The following TNKS variants were observed in gnomAD, a reference collection of about 807,000 sequenced individuals.
TNKS encodes tankyrase, also known as poly [ADP-ribose] polymerase tankyrase-1.
A neutral mutation model predicts 135.8 loss-of-function variants in TNKS; 72 were observed. The ratio of observed to expected loss-of-function variants is 0.53; its 90% confidence interval spans 0.44 to 0.64. The LOEUF (loss-of-function observed/expected upper bound fraction) is 0.64, where lower values mean the gene tolerates loss of function less well. Ranked by LOEUF, TNKS falls within the 30% of genes least tolerant of loss-of-function variation. TNKS has a pLI of 0.00. For missense variants in TNKS, 1,769 were observed against 1,674.0 expected (o/e 1.06, Z -0.99); for synonymous variants, 849 against 649.3 (o/e 1.31, Z -4.68).
At position 9,585,258 on chromosome 8, in the gene TNKS, T is replaced by C. The variant is rs185247296; in HGVS notation, c.898+4875T>C. Among the ~76,000 whole-genome samples the C allele has an allele frequency of 5.3e-4, 81 of 151,858 alleles. 2 individuals carry two copies. The East Asian group carries it at 0.015, about 28-fold the overall frequency. ...GTGTGAGATGTACAGAGACAAATGTTGAAACATGGAAATCATGACGAAAAA... is the reference window on the plus strand; with the variant it reads ...GTGTGAGATGTACAGAGACAAATGTCGAAACATGGAAATCATGACGAAAAA... On this transcript the variant is annotated intron_variant, in intron 2 of 26. Coordinates refer to ENST00000310430, the MANE Select transcript of TNKS (RefSeq NM_003747.3).
chr8:9,683,320 A>G (rs539551355), intron 5 of TNKS, among the ~76,000 whole-genome samples: 16 of 152,172 alleles, frequency 1.1e-4, no homozygotes, highest in Non-Finnish European at 2.1e-4. Context: ...CCTAGTAGAT[A>G]TGTAGTCCTT....
intron 11 of TNKS, among the ~76,000 whole-genome samples, chr8:9,717,935 A>G (rs71516533): frequency 0.11 from 16,034 of 152,184 alleles, 1,273 homozygotes; most frequent in Admixed American, 0.24. Context: ...ATATATAGAT[A>G]TATACAGGCA....
intron 11 of TNKS, among the ~76,000 whole-genome samples, chr8:9,713,162 T>G (rs1209624763): frequency 6.6e-6 from 1 of 152,214 alleles, no homozygotes; most frequent in African/African-American, 2.4e-5. Context: ...AACAGAGTTC[T>G]ACAGATGTAT....
At chr8:9,652,282 G>A (rs778717337) in intron 3 of TNKS, among the ~76,000 whole-genome samples, 6 of 152,132 alleles carry the variant, frequency 3.9e-5, no homozygotes, top group Admixed American at 2.0e-4. Context: ...AGGTTTTATC[G>A]ATCTCAATAA....
intron 2 of TNKS, among the ~76,000 whole-genome samples, chr8:9,601,097 C>G (rs1299422210): frequency 1.3e-5 from 2 of 151,984 alleles, no homozygotes; most frequent in East Asian, 3.9e-4. Flanking sequence ...GATCAATATC[C>G]CATTATAAAA....
At chr8:9,763,839 T>A (rs1235784204) in intron 22 of TNKS, among the ~76,000 whole-genome samples, 2 of 152,162 alleles carry the variant, frequency 1.3e-5, no homozygotes, top group African/African-American at 4.8e-5. Context: ...ATAAGTAAGC[T>A]ACCCAATTGT....
At chr8:9,692,897 G>A (rs951913057) in intron 5 of TNKS, among the ~76,000 whole-genome samples, 7 of 152,124 alleles carry the variant, frequency 4.6e-5, no homozygotes, top group Non-Finnish European at 5.9e-5. Flanking sequence ...TTATTTCCAT[G>A]GACTCATGCC....
chr8:9,652,077 C>G (rs12056756), intron 3 of TNKS, among the ~76,000 whole-genome samples: 3,093 of 152,184 alleles, frequency 0.02, 53 homozygotes, highest in South Asian at 0.071. Context: ...AGAAACAAAT[C>G]TTTACTTTCA....
At chr8:9,749,503 C>G (rs1389543053) in intron 18 of TNKS, among the ~76,000 whole-genome samples, 1 of 144,954 alleles carries the variant, frequency 6.9e-6, no homozygotes, top group African/African-American at 2.6e-5. Context: ...AAGACACAGT[C>G]TGGCTATGTC....
intron 1 of TNKS, among the ~76,000 whole-genome samples, chr8:9,571,698 C>G (rs10087012): frequency 6.6e-6 from 1 of 151,918 alleles, no homozygotes; most frequent in Non-Finnish European, 1.5e-5. Flanking sequence ...ACCTCATGAT[C>G]CAAAAGTGCT....
chr8:9,719,139 C>T (rs1012993164), intron 11 of TNKS, among the ~76,000 whole-genome samples: 1 of 152,096 alleles, frequency 6.6e-6, no homozygotes, highest in Non-Finnish European at 1.5e-5. Context: ...TTTCTTCTGG[C>T]AAATGTGATA....
intron 2 of TNKS, among the ~76,000 whole-genome samples, chr8:9,587,037 A>T (rs776123694): frequency 5.3e-5 from 8 of 152,206 alleles, no homozygotes; most frequent in African/African-American, 1.9e-4. Flanking sequence ...ATAATGGTTG[A>T]AAGATGTTCA....
intron 3 of TNKS, among the ~76,000 whole-genome samples, chr8:9,677,986 C>G (rs1351436535): frequency 6.6e-6 from 1 of 152,178 alleles, no homozygotes. Context: ...CCTTGACCCC[C>G]AACTACCCTT....
intron 17 of TNKS, among the ~76,000 whole-genome samples, chr8:9,747,361 G>C (rs957121994): frequency 6.9e-6 from 1 of 144,492 alleles, no homozygotes; most frequent in African/African-American, 2.6e-5. Flanking sequence ...AAATTTCTCA[G>C]ATTTAGCCCT....
intron 2 of TNKS, among the ~76,000 whole-genome samples, chr8:9,601,191 A>C (rs1341040481): frequency 6.6e-6 from 1 of 152,242 alleles, no homozygotes; most frequent in African/African-American, 2.4e-5. Flanking sequence ...TCACTTTCAG[A>C]TATAACACTA....
intron 3 of TNKS, among the ~76,000 whole-genome samples, chr8:9,659,782 A>C (rs1433892047): frequency 6.6e-6 from 1 of 152,236 alleles, no homozygotes; most frequent in East Asian, 1.9e-4. Flanking sequence ...GTTCAAAAAA[A>C]TCAATGAATC....
At chr8:9,712,068 A>C (rs1804362085) in intron 11 of TNKS, among the ~76,000 whole-genome samples, 2 of 152,256 alleles carry the variant, frequency 1.3e-5, no homozygotes, top group African/African-American at 4.8e-5. Context: ...AATTACATTA[A>C]AATTAGGCAT....
intron 3 of TNKS, among the ~76,000 whole-genome samples, chr8:9,676,247 AG>A (rs1802528308): frequency 6.6e-6 from 1 of 152,012 alleles, no homozygotes; most frequent in African/African-American, 2.4e-5. Context: ...TCCTGACCTC[AG>A]GTGATCCACC....
At chr8:9,712,972 T>A (rs776698320) in intron 11 of TNKS, among the ~76,000 whole-genome samples, 28 of 152,210 alleles carry the variant, frequency 1.8e-4, no homozygotes, top group Non-Finnish European at 3.8e-4. Flanking sequence ...TTTGTGTAAG[T>A]TTTATAATAG....
Sources: allele counts gnomAD v4.1 joint callset (sites outside exome capture counted in the v4.1 genomes callset), GRCh38; gene constraint gnomAD v4.1.1; transcripts MANE v1.5; gene names NCBI Gene and HGNC (gene_info 2026-07-23, HGNC 2026-07-21).